Variants in DOCK9 observed in about 807,000 individuals in gnomAD.
DOCK9 encodes dedicator of cytokinesis 9.
Under a neutral mutation model 263.3 loss-of-function variants are expected in DOCK9, and 89 were observed. The observed-to-expected ratio is 0.34, with a 90% confidence interval of 0.28 to 0.40. DOCK9 has a LOEUF of 0.40. Among genes scored for constraint, DOCK9 ranks in the 10% least tolerant of loss-of-function variants. The pLI is 1.00. For missense variants in DOCK9, 2,140 were observed against 2,603.4 expected, an observed-to-expected ratio of 0.82 and a Z score of 3.87; for synonymous variants, 976 against 973.1, an observed-to-expected ratio of 1.00 and a Z score of -0.06.
chr13:98,964,694 A>G (rs1325919563), intron 1 of DOCK9, among the ~76,000 whole-genome samples: 1 of 152,208 alleles, frequency 6.6e-6, no homozygotes, highest in Non-Finnish European at 1.5e-5. Context: ...GAATAGCTGG[A>G]TAAGGCTGCA....
At chr13:98,989,622 T>C (rs1407071493) in intron 1 of DOCK9, among the ~76,000 whole-genome samples, 2 of 152,144 alleles carry the variant, frequency 1.3e-5, no homozygotes, top group Non-Finnish European at 2.9e-5. Context: ...TGCACAGATA[T>C]GACACATATG....
intron 20 of DOCK9, chr13:98,885,448 T>A: frequency 1.9e-6 from 1 of 530,122 alleles, no homozygotes; most frequent in Non-Finnish European, 3.4e-6. Flanking sequence ...TACAAAAAAA[T>A]ACAAAAATTA....
At chr13:99,061,161 G>C (rs2041170521) in intron 1 of DOCK9, among the ~76,000 whole-genome samples, 1 of 152,134 alleles carries the variant, frequency 6.6e-6, no homozygotes, top group Non-Finnish European at 1.5e-5. Context: ...TGTTTACTGA[G>C]ATAAAACAGT....
At chr13:98,842,382 G>A (rs1448252112) in intron 38 of DOCK9, among the ~76,000 whole-genome samples, 1 of 152,202 alleles carries the variant, frequency 6.6e-6, no homozygotes, top group Non-Finnish European at 1.5e-5. Flanking sequence ...AATATTATCT[G>A]CAACTTGACC....
At chr13:98,845,488 G>A in intron 38 of DOCK9, 2 of 570,604 alleles carry the variant, frequency 3.5e-6, no homozygotes, top group East Asian at 7.1e-5. Flanking sequence ...TTCAGAGCTG[G>A]AATGTCAGAA....
chr13:99,052,359 A>T (rs1004894264), intron 1 of DOCK9, among the ~76,000 whole-genome samples: 22 of 152,112 alleles, frequency 1.4e-4, no homozygotes, highest in Admixed American at 1.3e-3. Flanking sequence ...CACACAGCTT[A>T]CTTCTCCCTG....
At chr13:99,007,257 A>G (rs943025630) in intron 1 of DOCK9, among the ~76,000 whole-genome samples, 1 of 151,904 alleles carries the variant, frequency 6.6e-6, no homozygotes, top group African/African-American at 2.4e-5. Context: ...GTGTGGTGGC[A>G]CGTGCCTGTA....
chr13:98,973,561 G>A (rs2059942467), intron 1 of DOCK9, among the ~76,000 whole-genome samples: 1 of 152,124 alleles, frequency 6.6e-6, no homozygotes, highest in Non-Finnish European at 1.5e-5. Context: ...GAGGATCCCA[G>A]GAAAATATGA....
At chr13:98,857,009 T>C (rs2093723336) in intron 33 of DOCK9, 1 of 152,256 alleles carries the variant, frequency 6.6e-6, no homozygotes, top group Non-Finnish European at 1.5e-5. Flanking sequence ...TCACTCCCTA[T>C]CTTGGTACTA....
At chr13:99,056,053 T>A (rs185394664) in intron 1 of DOCK9, among the ~76,000 whole-genome samples, 1 of 152,332 alleles carries the variant, frequency 6.6e-6, no homozygotes, top group East Asian at 1.9e-4. Context: ...GGTTACTGTA[T>A]TCTATACCAA....
At chr13:99,079,559 TCTTA>T (rs774453785) in intron 1 of DOCK9, among the ~76,000 whole-genome samples, 33 of 152,352 alleles carry the variant, frequency 2.2e-4, no homozygotes, top group Non-Finnish European at 4.7e-4. Context: ...ACATGCATTA[TCTTA>T]CTTAATCTTT....
At chr13:98,960,758 A>G (rs2058541657) in intron 1 of DOCK9, among the ~76,000 whole-genome samples, 1 of 152,208 alleles carries the variant, frequency 6.6e-6, no homozygotes, top group South Asian at 2.1e-4. Flanking sequence ...CTCCAGGAGC[A>G]GGGACCAACT....
chr13:99,022,885 G>T (rs1165869628), intron 1 of DOCK9, among the ~76,000 whole-genome samples: 1 of 152,156 alleles, frequency 6.6e-6, no homozygotes, highest in Admixed American at 6.5e-5. Context: ...GGAATCGAAG[G>T]CCGCATTGAG....
At chr13:98,854,215 G>A (rs1430161230) in intron 34 of DOCK9, among the ~76,000 whole-genome samples, 3 of 115,178 alleles carry the variant, frequency 2.6e-5, no homozygotes, top group African/African-American at 8.8e-5. Flanking sequence ...TAGGCAGCAG[G>A]TTCTTGTGGA....
At position 99,063,210 on chromosome 13, in the gene DOCK9, C is replaced by A. The variant is rs374487643; in HGVS notation, c.129+23013G>T. Among the ~76,000 whole-genome samples the A allele has an allele frequency of 9.5e-4, 145 of 152,334 alleles. 2 individuals carry two copies. The highest frequency in any genetic ancestry group is 3.4e-3 in the African/African-American group (143 of 41,582). ...GAGGCAAGGTAGAAAAGAACAGGGA[C>A]AAACGAACGATGAAAAGCAAGCCTG... On this transcript the variant is annotated intron_variant, in intron 1 of 32. Transcript: ENST00000427887.
Position 98,810,226 on chromosome 13 carries a change from G to T in DOCK9, c.5196C>A (p.Leu1732=). 1 of 1,612,894 alleles carries T rather than the reference G, an allele frequency of 6.2e-7. No homozygotes were observed. The highest frequency in any genetic ancestry group is 8.5e-7 in the Non-Finnish European group (1 of 1,179,616). ...DGLWKAERYE[L]IADIYKLIIP... is the part of the protein sequence containing the mutation. ...TGATAAGTTTGTAGATGTCGGCGAT[G>T]AGCTCGTAGCGCTCGGCTTTCCAGA... Residue 1732 remains leucine, a synonymous_variant, in exon 46 of 53, where the codon CTC becomes CTA. Coordinates refer to ENST00000682017, the MANE Select transcript of DOCK9 (RefSeq NM_001366683.2).
intron 38 of DOCK9, among the ~76,000 whole-genome samples, chr13:98,841,012 A>G (rs542893516): frequency 5.3e-5 from 8 of 152,140 alleles, no homozygotes; most frequent in African/African-American, 1.9e-4. Context: ...CAAAATATCA[A>G]ACTGATCAAT....
At position 98,897,545 on chromosome 13, in the gene DOCK9, T is replaced by C; in HGVS notation, c.1652A>G (p.Gln551Arg). The C allele has an allele frequency of 6.2e-7, 1 of 1,614,030 alleles. No individual in the cohort carries two copies. The highest frequency in any genetic ancestry group is 1.1e-5 in the South Asian group (1 of 91,076). Residue 551 changes from glutamine (Q) to arginine (R), a missense_variant, in exon 15 of 53, where the codon CAA (glutamine) becomes CGA (arginine). This residue lies in a region of DOCK9 where 1,521 missense variants were observed against 1,741.7 expected (regional missense o/e 0.87). Coordinates refer to ENST00000682017, the MANE Select transcript of DOCK9 (RefSeq NM_001366683.2). ...ATCATTGGATAGCTTATTGCTGTCT[T>C]GCCTGTAGATGGCAGAAAATCTGGC... ...KNARFSAIYR[Q>R]DSNKLSNDDM...
At chr13:98,887,143 A>ATATATTTTTTTT (rs1470080750) in intron 18 of DOCK9, among the ~76,000 whole-genome samples, 2 of 95,292 alleles carry the variant, frequency 2.1e-5, no homozygotes, top group African/African-American at 8.7e-5. Flanking sequence ...ATATATATAT[A>ATATATTTTTTTT]TTTTTTTTTT....
Sources: allele counts gnomAD v4.1 joint callset (sites outside exome capture counted in the v4.1 genomes callset), GRCh38; gene constraint gnomAD v4.1.1; regional missense constraint gnomAD v4.1.1; transcripts MANE v1.5; gene names NCBI Gene and HGNC (gene_info 2026-07-23, HGNC 2026-07-21).